Variants in FAM120A observed in about 807,000 individuals in gnomAD.
FAM120A encodes the protein family with sequence similarity 120 member A.
Under a neutral mutation model 109.7 loss-of-function variants are expected in FAM120A, and 15 were observed. The ratio of observed to expected loss-of-function variants is 0.14; its 90% CI spans 0.09 to 0.21. FAM120A has a LOEUF of 0.21. Among genes scored for constraint, FAM120A ranks in the 10% least tolerant of loss-of-function variants. FAM120A has a pLI of 1.00. For missense variants in FAM120A, 899 were observed against 1,439.3 expected, an observed-to-expected ratio of 0.62 and a Z score of 6.07; for synonymous variants, 493 against 572.8, an observed-to-expected ratio of 0.86 and a Z score of 1.99.
Position 93,532,483 on chromosome 9 carries a change from A to G in FAM120A, c.1909+154A>G. ...TCATCGGGGCAGTAGGCCAGGGTAA[A>G]GGCTCTTAGAAAAGGAGGAGAAGCC... On this transcript the variant is annotated intron_variant, in intron 10 of 17. Coordinates refer to ENST00000277165, the MANE Select transcript of FAM120A (RefSeq NM_014612.5). This position sits in a 1 kb window ranked among gnomAD's most constrained non-coding sequence, Gnocchi z 4.3. The G allele has an allele frequency of 1.4e-6, 1 of 698,078 alleles. No homozygotes were observed. The highest frequency in any genetic ancestry group is 2.4e-6 in the Non-Finnish European group (1 of 411,618). 43.2% of individuals were successfully genotyped at this position (698,078 alleles called of 1,614,324 possible).
intron 10 of FAM120A, among the ~76,000 whole-genome samples, chr9:93,534,413 A>C (rs1861442132): frequency 6.6e-6 from 1 of 152,128 alleles, no homozygotes. Flanking sequence ...CCAAAGGAAG[A>C]AAAGACAAGA....
chr9:93,540,081 G>T (rs1861642475), intron 10 of FAM120A, among the ~76,000 whole-genome samples: 1 of 152,234 alleles, frequency 6.6e-6, no homozygotes, highest in African/African-American at 2.4e-5. Context: ...GTGTTGCAAA[G>T]TTAGGTGTCA....
At chr9:93,494,179 G>A (rs932351243) in intron 3 of FAM120A, among the ~76,000 whole-genome samples, 3 of 152,190 alleles carry the variant, frequency 2.0e-5, no homozygotes, top group Non-Finnish European at 2.9e-5. Flanking sequence ...GTGCCCTTGT[G>A]CCCTGCAGAG....
In FAM120A at chr9:93,451,903, C is replaced by G; in HGVS notation, c.-13C>G. 1 of 1,272,852 alleles carries G rather than the reference C, an allele frequency of 7.9e-7. No individual in the cohort carries two copies. The highest frequency in any genetic ancestry group is 9.9e-7 in the Non-Finnish European group (1 of 1,014,676). 78.8% of individuals were successfully genotyped at this position (1,272,852 alleles called of 1,614,324 possible). A position where few individuals can be genotyped will look rare whatever the true frequency, so the allele number is the denominator to read the frequency against. On this transcript the variant is annotated 5_prime_UTR_variant, in exon 1 of 18. Transcript: ENST00000277165. ...CCCCCGCCCGCACCCGCGCCCGCGC[C>G]CCCGCCGCCGCCATGGGCGTGCAGG...
intron 1 of FAM120A, among the ~76,000 whole-genome samples, chr9:93,460,186 TGAA>T (rs1172477010): frequency 6.6e-6 from 1 of 152,178 alleles, no homozygotes; most frequent in Non-Finnish European, 1.5e-5. Flanking sequence ...TCGCGTAACA[TGAA>T]GAAGAGAGAT....
At chr9:93,563,295 G>A (rs79629446) in intron 17 of FAM120A, among the ~76,000 whole-genome samples, 4,586 of 152,292 alleles carry the variant, frequency 0.03, 112 homozygotes, top group African/African-American at 0.051. Flanking sequence ...TCCTGTTCTC[G>A]TCTGTAAAAT....
At chr9:93,491,446 G>A (rs1859316427) in intron 3 of FAM120A, among the ~76,000 whole-genome samples, 1 of 152,188 alleles carries the variant, frequency 6.6e-6, no homozygotes, top group African/African-American at 2.4e-5. Context: ...ATGTTTTTCA[G>A]TAGGAAATGA....
At chr9:93,511,425 T>G (rs1860315919) in intron 5 of FAM120A, among the ~76,000 whole-genome samples, 1 of 152,174 alleles carries the variant, frequency 6.6e-6, no homozygotes, top group Non-Finnish European at 1.5e-5. Context: ...CTGGTCTCAG[T>G]CCAGGCTTGG....
chr9:93,460,723 G>T lies in FAM120A; in HGVS notation c.474+8334G>T, dbSNP rs149870503. On this transcript the variant is annotated intron_variant, in intron 1 of 17. Coordinates refer to ENST00000277165, the MANE Select transcript of FAM120A (RefSeq NM_014612.5). The stretch of plus-strand genomic sequence containing the variant: ...CAGCTCTTAGAGCGATGCTTGGTGT[G>T]TAGTACATGCTCAGAAAATATTTGA... Among the ~76,000 whole-genome samples the T allele has an allele frequency of 4.5e-3, 682 of 152,306 alleles. 3 individuals carry two copies. The highest frequency in any genetic ancestry group is 0.016 in the African/African-American group (651 of 41,554).
chr9:93,556,122 G>A (rs770335867), intron 12 of FAM120A, among the ~76,000 whole-genome samples: 1 of 152,104 alleles, frequency 6.6e-6, no homozygotes, highest in Non-Finnish European at 1.5e-5. Flanking sequence ...TCTACACTGC[G>A]GAACGCTTTA....
chr9:93,557,483 C>T (rs1159039381), intron 13 of FAM120A, among the ~76,000 whole-genome samples: 1 of 152,136 alleles, frequency 6.6e-6, no homozygotes, highest in Non-Finnish European at 1.5e-5. Context: ...AAATGTGAAA[C>T]ACGTGGCACT....
chr9:93,561,958 T>A (rs1862483220), intron 16 of FAM120A, among the ~76,000 whole-genome samples: 1 of 152,210 alleles, frequency 6.6e-6, no homozygotes, highest in South Asian at 2.1e-4. Context: ...AAATCTTCCC[T>A]ATGATCATAC....
At chr9:93,518,090 A>T (rs1467704601) in intron 7 of FAM120A, among the ~76,000 whole-genome samples, 1 of 152,148 alleles carries the variant, frequency 6.6e-6, no homozygotes, top group African/African-American at 2.4e-5. Context: ...TCCTTGTGGT[A>T]TGAAGTGCCA....
chr9:93,473,329 A>G (rs1858395650), intron 2 of FAM120A, among the ~76,000 whole-genome samples: 1 of 151,270 alleles, frequency 6.6e-6, no homozygotes, highest in Non-Finnish European at 1.5e-5. Context: ...TTGTTGAAAC[A>G]GGTTTTTACT....
intron 3 of FAM120A, among the ~76,000 whole-genome samples, chr9:93,482,093 A>T (rs555042786): frequency 2.0e-5 from 3 of 152,090 alleles, no homozygotes; most frequent in African/African-American, 7.2e-5. Context: ...TTATTTTGGT[A>T]ATCTTTTACC....
intron 3 of FAM120A, among the ~76,000 whole-genome samples, chr9:93,494,133 G>A (rs777530910): frequency 9.2e-5 from 14 of 152,180 alleles, no homozygotes; most frequent in Non-Finnish European, 1.9e-4. Context: ...AGAGCAGGAA[G>A]CTTCAGCTGC....
intron 1 of FAM120A, among the ~76,000 whole-genome samples, chr9:93,470,445 A>C (rs1009741941): frequency 2.0e-5 from 3 of 152,270 alleles, no homozygotes. Flanking sequence ...TGTGGATGTT[A>C]CATTGGGGAT....
intron 11 of FAM120A, among the ~76,000 whole-genome samples, chr9:93,549,341 A>C (rs776298982): frequency 6.6e-6 from 1 of 152,180 alleles, no homozygotes; most frequent in Non-Finnish European, 1.5e-5. Context: ...CCCTTCTCTA[A>C]ATTGGGATAA....
intron 2 of FAM120A, among the ~76,000 whole-genome samples, chr9:93,473,710 C>A (rs973709394): frequency 2.6e-5 from 4 of 152,218 alleles, no homozygotes; most frequent in African/African-American, 9.7e-5. Flanking sequence ...TTGTTTGGAT[C>A]TAATCTCAAA....
Sources: allele counts gnomAD v4.1 joint callset (sites outside exome capture counted in the v4.1 genomes callset), GRCh38; gene constraint gnomAD v4.1.1; non-coding constraint Gnocchi (gnomAD v3.1); transcripts MANE v1.5; gene names NCBI Gene and HGNC (gene_info 2026-07-23, HGNC 2026-07-21).